Variants in MIPOL1 observed in about 807,000 individuals in gnomAD.
MIPOL1 encodes the protein mirror-image polydactyly 1.
Under a neutral mutation model 60.9 loss-of-function variants are expected in MIPOL1, and 57 were observed. That is an observed-to-expected ratio of 0.94 (90% CI 0.76 to 1.17). The LOEUF is 1.17. Among genes scored for constraint, MIPOL1 ranks in the 50% most tolerant of loss-of-function variants. The pLI is 0.00. For missense variants in MIPOL1, 551 were observed against 511.6 expected (o/e 1.08, Z -0.74); for synonymous variants, 179 against 168.8 (o/e 1.06, Z -0.47).
chr14:37,292,316 A>G (rs2085158796), intron 7 of MIPOL1, among the ~76,000 whole-genome samples: 1 of 151,506 alleles, frequency 6.6e-6, no homozygotes, highest in Admixed American at 6.6e-5. Flanking sequence ...TTTATTATGA[A>G]CTAGTTTCTT....
chr14:37,531,976 A>C (rs17768343), intron 12 of MIPOL1, among the ~76,000 whole-genome samples: 73,110 of 151,820 alleles, frequency 0.48, 19,712 homozygotes, highest in East Asian at 0.7. Context: ...CCATCTGTTC[A>C]AAAGGAGAGG....
chr14:37,221,445 G>A (rs553573215), intron 1 of MIPOL1, among the ~76,000 whole-genome samples: 13 of 152,250 alleles, frequency 8.5e-5, no homozygotes, highest in Middle Eastern at 3.4e-3. Flanking sequence ...GTGTTAGTCC[G>A]TTCTCACATT....
intron 11 of MIPOL1, among the ~76,000 whole-genome samples, chr14:37,468,341 A>G (rs2094629959): frequency 6.6e-6 from 1 of 152,158 alleles, no homozygotes. Context: ...CCACAATGAT[A>G]TTATAGTAAT....
At chr14:37,257,616 G>C (rs537090216) in intron 3 of MIPOL1, among the ~76,000 whole-genome samples, 1 of 152,214 alleles carries the variant, frequency 6.6e-6, no homozygotes, top group African/African-American at 2.4e-5. Flanking sequence ...CATAGCTAGG[G>C]TTCCCACAGG....
At chr14:37,392,684 A>G (rs926477056) in intron 10 of MIPOL1, among the ~76,000 whole-genome samples, 2 of 152,178 alleles carry the variant, frequency 1.3e-5, no homozygotes, top group East Asian at 3.9e-4. Context: ...TATCCCTGTG[A>G]GAAAGTTTTA....
At chr14:37,251,378 T>C (rs1233782541) in intron 3 of MIPOL1, among the ~76,000 whole-genome samples, 2 of 152,078 alleles carry the variant, frequency 1.3e-5, no homozygotes, top group East Asian at 3.9e-4. Flanking sequence ...CCCAAGTTTC[T>C]TTAAGGAGTT....
At chr14:37,528,594 C>T (rs2095461930) in intron 12 of MIPOL1, among the ~76,000 whole-genome samples, 1 of 152,048 alleles carries the variant, frequency 6.6e-6, no homozygotes. Flanking sequence ...AACATTTCAT[C>T]TTGCCGTCTA....
chr14:37,497,928 G>A (rs1426806561), intron 11 of MIPOL1, among the ~76,000 whole-genome samples: 1 of 152,046 alleles, frequency 6.6e-6, no homozygotes, highest in Non-Finnish European at 1.5e-5. Flanking sequence ...CATACCCTTT[G>A]GAGAAATTCT....
chr14:37,211,497 C>G (rs1332264476), intron 1 of MIPOL1, among the ~76,000 whole-genome samples: 2 of 152,074 alleles, frequency 1.3e-5, no homozygotes, highest in Non-Finnish European at 2.9e-5. Flanking sequence ...CAGCTGATGC[C>G]CACCCACGGA....
intron 12 of MIPOL1, among the ~76,000 whole-genome samples, chr14:37,517,713 T>C (rs1003479513): frequency 6.6e-6 from 1 of 152,184 alleles, no homozygotes; most frequent in Non-Finnish European, 1.5e-5. Flanking sequence ...GGACGATATC[T>C]ATAAACTGAT....
At chr14:37,379,734 T>C (rs2092876122) in intron 10 of MIPOL1, among the ~76,000 whole-genome samples, 1 of 152,114 alleles carries the variant, frequency 6.6e-6, no homozygotes, top group African/African-American at 2.4e-5. Flanking sequence ...CCTTGACTCT[T>C]GTAAATGGAA....
At chr14:37,364,048 C>T (rs2092384232) in intron 9 of MIPOL1, among the ~76,000 whole-genome samples, 1 of 152,210 alleles carries the variant, frequency 6.6e-6, no homozygotes. Context: ...TTACTGCTTC[C>T]CTTGGCTAGG....
At chr14:37,349,642 A>G (rs958224790) in intron 9 of MIPOL1, among the ~76,000 whole-genome samples, 1 of 152,098 alleles carries the variant, frequency 6.6e-6, no homozygotes, top group African/African-American at 2.4e-5. Flanking sequence ...CTTCTCAATT[A>G]TGTCTTTTCT....
intron 7 of MIPOL1, among the ~76,000 whole-genome samples, chr14:37,292,464 A>ATT (rs2085178552): frequency 2.4e-5 from 2 of 82,126 alleles, no homozygotes; most frequent in East Asian, 4.5e-4. Flanking sequence ...TCCTTAATAA[A>ATT]CTTTTTTTTT....
intron 9 of MIPOL1, among the ~76,000 whole-genome samples, chr14:37,361,610 C>CTT (rs71127213): frequency 1.3e-4 from 11 of 82,578 alleles, no homozygotes; most frequent in African/African-American, 5.1e-4. Flanking sequence ...CCCTCTCTCT[C>CTT]TTTTTTTTTT....
intron 12 of MIPOL1, chr14:37,523,599 TTATAA>T (rs759760456): frequency 9.6e-5 from 38 of 394,950 alleles, no homozygotes; most frequent in Non-Finnish European, 1.7e-4. Flanking sequence ...TCTGTCATAA[TTATAA>T]TAGTTAGATG....
intron 12 of MIPOL1, among the ~76,000 whole-genome samples, chr14:37,539,648 C>T (rs1434351666): frequency 6.6e-6 from 1 of 152,034 alleles, no homozygotes; most frequent in Non-Finnish European, 1.5e-5. Context: ...AAAAGTAAAA[C>T]ACAGTAAAGA....
At chr14:37,453,503 G>C (rs1362509986) in intron 11 of MIPOL1, among the ~76,000 whole-genome samples, 4 of 151,980 alleles carry the variant, frequency 2.6e-5, no homozygotes, top group Admixed American at 2.6e-4. Flanking sequence ...GTATATTATG[G>C]CTGGAATCTT....
chr14:37,316,440 G>A (rs1675380373), intron 9 of MIPOL1, among the ~76,000 whole-genome samples: 1 of 152,062 alleles, frequency 6.6e-6, no homozygotes, highest in African/African-American at 2.4e-5. Flanking sequence ...TTTGACAGGA[G>A]TTCCGTCCAG....
Sources: allele counts gnomAD v4.1 joint callset (sites outside exome capture counted in the v4.1 genomes callset), GRCh38; gene constraint gnomAD v4.1.1; transcripts MANE v1.5; gene names NCBI Gene and HGNC (gene_info 2026-07-23, HGNC 2026-07-21).